Variants in ANO4 observed in about 807,000 individuals in gnomAD.
ANO4 encodes the protein anoctamin-4.
In ANO4, 69 loss-of-function variants were observed where a neutral mutation model predicts 141.9. The observed-to-expected ratio is 0.49, with a 90% confidence interval of 0.40 to 0.59. ANO4 has a LOEUF of 0.59. Among genes scored for constraint, ANO4 ranks in the 20% least tolerant of loss-of-function variants. ANO4 has a pLI of 0.00. For missense variants in ANO4, 894 were observed against 1,162.2 expected (o/e 0.77, Z 3.36); for synonymous variants, 350 against 394.3 (o/e 0.89, Z 1.33).
intron 14 of ANO4, among the ~76,000 whole-genome samples, chr12:101,057,042 C>A (rs934908942): frequency 2.6e-5 from 4 of 151,162 alleles, no homozygotes; most frequent in African/African-American, 9.8e-5. Flanking sequence ...GTGTGATGGT[C>A]CCTGCCCTGT....
At chr12:101,103,179 CATTTTATATATATATATATATATAT>C (rs1237868066) in intron 22 of ANO4, among the ~76,000 whole-genome samples, 4 of 70,274 alleles carry the variant, frequency 5.7e-5, no homozygotes, top group African/African-American at 2.7e-4. Flanking sequence ...CCTTTTTAGT[CATTTTATATATATATATATATATAT>C]ATATATATAT....
chr12:100,968,676 GTCTT>G (rs1304791407), intron 5 of ANO4, among the ~76,000 whole-genome samples: 1 of 152,154 alleles, frequency 6.6e-6, no homozygotes, highest in Non-Finnish European at 1.5e-5. Context: ...AGGAAATACA[GTCTT>G]TCTTCTGCTT....
chr12:100,984,170 C>T (rs2044608183), intron 7 of ANO4, among the ~76,000 whole-genome samples: 4 of 152,068 alleles, frequency 2.6e-5, no homozygotes, highest in African/African-American at 7.2e-5. Context: ...GATCTCGGCT[C>T]ACTGCAACCT....
chr12:100,940,488 A>C (rs1360345762), intron 4 of ANO4, among the ~76,000 whole-genome samples: 1 of 152,220 alleles, frequency 6.6e-6, no homozygotes, highest in Non-Finnish European at 1.5e-5. Flanking sequence ...TTCACAGGAC[A>C]GCCTTCTTGC....
At chr12:100,804,109 C>G (rs2034853757) in intron 1 of ANO4, among the ~76,000 whole-genome samples, 1 of 152,060 alleles carries the variant, frequency 6.6e-6, no homozygotes, top group South Asian at 2.1e-4. Flanking sequence ...CTTTCCCTGC[C>G]CACACTGACA....
intron 7 of ANO4, among the ~76,000 whole-genome samples, chr12:100,980,968 T>A (rs1029119574): frequency 6.6e-6 from 1 of 152,152 alleles, no homozygotes; most frequent in African/African-American, 2.4e-5. Context: ...ATCTGATTAT[T>A]ATGGGTGGCT....
chr12:100,867,378 G>A (rs1052448441), intron 1 of ANO4, among the ~76,000 whole-genome samples: 1 of 152,090 alleles, frequency 6.6e-6, no homozygotes, highest in African/African-American at 2.4e-5. Flanking sequence ...AGCAGTAGGC[G>A]AGCCAATGGA....
chr12:101,024,494 G>T (rs778010656), intron 9 of ANO4, among the ~76,000 whole-genome samples: 20 of 152,094 alleles, frequency 1.3e-4, no homozygotes, highest in Non-Finnish European at 2.8e-4. Flanking sequence ...TACTTGGGAA[G>T]CTGAGGCACG....
intron 1 of ANO4, among the ~76,000 whole-genome samples, chr12:100,882,346 A>G (rs909019311): frequency 6.6e-6 from 1 of 152,240 alleles, no homozygotes; most frequent in Admixed American, 6.5e-5. Context: ...CTGTTAATAC[A>G]TAATTGTGAA....
intron 14 of ANO4, among the ~76,000 whole-genome samples, chr12:101,057,288 T>C (rs2048162509): frequency 6.6e-6 from 1 of 152,222 alleles, no homozygotes; most frequent in Non-Finnish European, 1.5e-5. Context: ...AAGTCTTTGC[T>C]ATTGTGAATA....
intron 1 of ANO4, among the ~76,000 whole-genome samples, chr12:100,894,467 C>G (rs2040245153): frequency 6.6e-6 from 1 of 152,060 alleles, no homozygotes; most frequent in Admixed American, 6.5e-5. Flanking sequence ...AATTCTGATG[C>G]TCAAAGCCCC....
At chr12:100,977,304 G>C (rs1379118693) in intron 7 of ANO4, among the ~76,000 whole-genome samples, 1 of 152,108 alleles carries the variant, frequency 6.6e-6, no homozygotes, top group Non-Finnish European at 1.5e-5. Flanking sequence ...TCCACTAACT[G>C]TTCTGAGTTT....
At chr12:101,119,409 G>A (rs1315115529) in intron 25 of ANO4, among the ~76,000 whole-genome samples, 9 of 152,154 alleles carry the variant, frequency 5.9e-5, no homozygotes, top group Admixed American at 2.0e-4. Flanking sequence ...AGCCAAGATC[G>A]CACCACTGCA....
At chr12:100,808,836 G>A (rs934944307) in intron 1 of ANO4, among the ~76,000 whole-genome samples, 1 of 152,062 alleles carries the variant, frequency 6.6e-6, no homozygotes, top group African/African-American at 2.4e-5. Flanking sequence ...CTATAAAAAC[G>A]TATTTGTTTT....
At chr12:100,948,871 G>A (rs1592807092) in intron 5 of ANO4, among the ~76,000 whole-genome samples, 2 of 152,150 alleles carry the variant, frequency 1.3e-5, no homozygotes, top group Admixed American at 6.5e-5. Flanking sequence ...TTAATGGGAT[G>A]TCACTCCTGT....
At chr12:100,736,819 G>A (rs2031638758) in intron 2 of ANO4, among the ~76,000 whole-genome samples, 1 of 152,142 alleles carries the variant, frequency 6.6e-6, no homozygotes, top group Non-Finnish European at 1.5e-5. Context: ...GCATCTCCAA[G>A]CCAAGGAATA....
intron 3 of ANO4, among the ~76,000 whole-genome samples, chr12:100,753,782 G>A (rs373305884): frequency 6.6e-6 from 1 of 152,148 alleles, no homozygotes; most frequent in Non-Finnish European, 1.5e-5. Context: ...GCTATCAATA[G>A]TACAGTACAT....
intron 1 of ANO4, among the ~76,000 whole-genome samples, chr12:100,860,886 A>C (rs567577795): frequency 1.3e-5 from 2 of 152,312 alleles, no homozygotes; most frequent in African/African-American, 4.8e-5. Flanking sequence ...CTTCTGGTGC[A>C]TTTGTGTTCT....
At chr12:100,964,870 T>C (rs1031170009) in intron 5 of ANO4, among the ~76,000 whole-genome samples, 4 of 152,180 alleles carry the variant, frequency 2.6e-5, no homozygotes, top group African/African-American at 9.7e-5. Context: ...TCTTACTCTA[T>C]TTTTCTTCAA....
Sources: allele counts gnomAD v4.1 joint callset (sites outside exome capture counted in the v4.1 genomes callset), GRCh38; gene constraint gnomAD v4.1.1; transcripts MANE v1.5; gene names NCBI Gene and HGNC (gene_info 2026-07-23, HGNC 2026-07-21).